Variants in NUBPL observed in about 807,000 individuals in gnomAD.
The protein encoded by NUBPL is iron-sulfur cluster transfer protein NUBPL.
A neutral mutation model predicts 45.7 loss-of-function variants in NUBPL; 31 were observed. That is an observed-to-expected ratio of 0.68 (90% CI 0.51 to 0.92). The LOEUF is 0.92. Ranked by LOEUF, NUBPL falls within the 40% of genes least tolerant of loss-of-function variation. The probability of loss-of-function intolerance (pLI) is 0.00; values close to 1 mark genes in which losing one functional copy is unlikely to be tolerated. For missense variants in NUBPL, 401 were observed against 398.7 expected (o/e 1.01, Z -0.05); for synonymous variants, 144 against 140.9 (o/e 1.02, Z -0.15).
intron 4 of NUBPL, among the ~76,000 whole-genome samples, chr14:31,633,405 C>T (rs994580363): frequency 3.9e-5 from 6 of 152,074 alleles, no homozygotes; most frequent in African/African-American, 1.4e-4. Context: ...AGAAATTAGT[C>T]GTAGTTTTAT....
intron 6 of NUBPL, among the ~76,000 whole-genome samples, chr14:31,692,646 T>C (rs1430078667): frequency 6.6e-6 from 1 of 152,262 alleles, no homozygotes; most frequent in Admixed American, 6.5e-5. Context: ...GATCCTGCAA[T>C]AGAAATGAGA....
chr14:31,651,373 G>A (rs2035999629), intron 4 of NUBPL, among the ~76,000 whole-genome samples: 1 of 151,938 alleles, frequency 6.6e-6, no homozygotes, highest in Non-Finnish European at 1.5e-5. Flanking sequence ...CCAGATCTTT[G>A]GATATTTTTT....
chr14:31,646,648 C>T (rs967301275), intron 4 of NUBPL, among the ~76,000 whole-genome samples: 2 of 151,434 alleles, frequency 1.3e-5, no homozygotes, highest in African/African-American at 4.8e-5. Flanking sequence ...CTTTCTTTGT[C>T]GTTGATCTTT....
chr14:31,605,456 GA>G (rs1566442366), intron 4 of NUBPL, among the ~76,000 whole-genome samples: 2 of 152,186 alleles, frequency 1.3e-5, no homozygotes, highest in Non-Finnish European at 2.9e-5. Context: ...GTATTTTATT[GA>G]GGATGACACA....
At position 31,733,961 on chromosome 14, in the gene NUBPL, G is replaced by A. The variant is rs117601039; in HGVS notation, c.514-53819G>A. Among the ~76,000 whole-genome samples, 1,154 of 152,190 alleles carry A rather than the reference G, an allele frequency of 7.6e-3. 12 individuals are homozygous for A. Among genetic ancestry groups the A allele is most frequent in the Admixed American group, 0.019 (290 of 15,290 alleles). On this transcript the variant is annotated intron_variant, in intron 6 of 10. Coordinates refer to ENST00000281081, the MANE Select transcript of NUBPL (RefSeq NM_025152.3). ...GAGTTCTGTTCCTAGTTTGCTGAGA[G>A]TTGTTATTATTAATGGCTATTGAAT...
intron 6 of NUBPL, among the ~76,000 whole-genome samples, chr14:31,699,609 AAC>A (rs201154575): frequency 0.063 from 9,617 of 152,244 alleles, 409 homozygotes; most frequent in Non-Finnish European, 0.091. Context: ...AAAGATTGAA[AAC>A]ACTCTTTTTA....
At chr14:31,727,929 A>G (rs1365765579) in intron 6 of NUBPL, among the ~76,000 whole-genome samples, 2 of 152,182 alleles carry the variant, frequency 1.3e-5, no homozygotes, top group African/African-American at 4.8e-5. Flanking sequence ...ACATTTGCAT[A>G]TATATTATGA....
intron 6 of NUBPL, among the ~76,000 whole-genome samples, chr14:31,762,327 G>C (rs1003236554): frequency 6.6e-6 from 1 of 152,174 alleles, no homozygotes; most frequent in Non-Finnish European, 1.5e-5. Context: ...CTATAAAATT[G>C]ATTAGGAAAG....
intron 4 of NUBPL, among the ~76,000 whole-genome samples, chr14:31,605,889 G>C (rs1484674011): frequency 1.9e-4 from 20 of 106,200 alleles, no homozygotes; most frequent in African/African-American, 8.3e-4. Flanking sequence ...CCTCCTCCTT[G>C]TCTCCTCCCT....
chr14:31,611,649 C>A (rs2034761481), intron 4 of NUBPL, among the ~76,000 whole-genome samples: 1 of 152,158 alleles, frequency 6.6e-6, no homozygotes, highest in African/African-American at 2.4e-5. Context: ...CTGGAGGGAT[C>A]ACATTACCTG....
intron 6 of NUBPL, among the ~76,000 whole-genome samples, chr14:31,710,476 C>G (rs907677756): frequency 1.3e-5 from 2 of 152,186 alleles, no homozygotes; most frequent in African/African-American, 4.8e-5. Context: ...TAAGGAAGGT[C>G]GGATTTAGTG....
intron 6 of NUBPL, among the ~76,000 whole-genome samples, chr14:31,730,262 G>A (rs761322386): frequency 2.0e-5 from 3 of 152,128 alleles, no homozygotes; most frequent in African/African-American, 4.8e-5. Context: ...CAGTTTTGAA[G>A]CTAAGTTCTG....
chr14:31,648,332 A>C (rs747903104), intron 4 of NUBPL, among the ~76,000 whole-genome samples: 5 of 152,260 alleles, frequency 3.3e-5, no homozygotes, highest in Non-Finnish European at 7.3e-5. Context: ...GAAAAATCCT[A>C]GTACCATAAG....
intron 6 of NUBPL, among the ~76,000 whole-genome samples, chr14:31,736,759 T>C (rs2038174673): frequency 6.6e-6 from 1 of 152,168 alleles, no homozygotes; most frequent in Non-Finnish European, 1.5e-5. Flanking sequence ...ATATGTTTAG[T>C]TTTAGTTGGT....
intron 4 of NUBPL, among the ~76,000 whole-genome samples, chr14:31,617,571 A>G (rs2034941800): frequency 6.6e-6 from 1 of 152,118 alleles, no homozygotes; most frequent in Non-Finnish European, 1.5e-5. Context: ...TATGTGTTGG[A>G]TCACGTTTAT....
At position 31,681,718 on chromosome 14, in the gene NUBPL, A is replaced by G. The variant is rs182019348; in HGVS notation, c.513+8144A>G. 3.1e-4 allele frequency among the ~76,000 whole-genome samples: 47 copies of G among 152,076 alleles called. No individual in the cohort carries two copies. In the East Asian group the frequency reaches 7.3e-3, roughly 24 times the overall value. ...CTTAGGCGTTGCTTAAACTTTCACA[A>G]ATTCTGATACGTTGGTGTTTTCATT... On this transcript the variant is annotated intron_variant, in intron 6 of 10. Transcript: ENST00000281081.
At chr14:31,688,111 T>C (rs1475741450) in intron 6 of NUBPL, among the ~76,000 whole-genome samples, 1 of 152,212 alleles carries the variant, frequency 6.6e-6, no homozygotes, top group African/African-American at 2.4e-5. Context: ...GAAGTCATTA[T>C]ATAACAACTT....
At chr14:31,740,802 A>G (rs1418550747) in intron 6 of NUBPL, among the ~76,000 whole-genome samples, 2 of 152,084 alleles carry the variant, frequency 1.3e-5, no homozygotes, top group Non-Finnish European at 2.9e-5. Context: ...GGTTCCCCTC[A>G]TCCCCCCAGT....
intron 10 of NUBPL, among the ~76,000 whole-genome samples, chr14:31,852,029 C>T (rs921160171): frequency 2.6e-5 from 4 of 152,058 alleles, no homozygotes; most frequent in Admixed American, 6.5e-5. Flanking sequence ...GTTAGATTCT[C>T]GAAGGGGATC....
Sources: gnomAD v4.1 joint callset for allele counts (sites outside exome capture counted in the v4.1 genomes callset) on GRCh38, gnomAD v4.1.1 for gene constraint, MANE v1.5 for transcripts, NCBI Gene and HGNC (gene_info 2026-07-23, HGNC 2026-07-21) for gene names.